Variants in PAH observed in about 807,000 individuals in gnomAD.
The protein encoded by PAH is phenylalanine-4-hydroxylase.
PAH carries 64 observed loss-of-function variants against 62.0 expected under a neutral mutation model. The ratio of observed to expected loss-of-function variants is 1.03; its 90% CI spans 0.84 to 1.27. PAH has a LOEUF of 1.27. Among genes scored for constraint, PAH ranks in the 50% most tolerant of loss-of-function variants. The pLI is 0.00. For synonymous variants in PAH, 195 were observed against 196.2 expected (o/e 0.99, Z 0.05); for missense variants, 579 against 542.8 (o/e 1.07, Z -0.66).
At chr12:102,866,732 T>C (rs1875991106) in intron 4 of PAH, 69 bp from the exon 5 acceptor site, 3 of 1,227,004 alleles carry the variant, frequency 2.4e-6, no homozygotes, top group Admixed American at 3.4e-5. Context: ...TATGAATGCT[T>C]TGAATGGGGG....
intron 1 of PAH, among the ~76,000 whole-genome samples, chr12:102,935,276 G>A (rs548688959): frequency 3.9e-4 from 60 of 152,048 alleles, no homozygotes; most frequent in African/African-American, 1.2e-3. Flanking sequence ...TCTTTTAAAC[G>A]TGATATTGAA....
chr12:102,875,170 T>C (rs1339064503), intron 4 of PAH, among the ~76,000 whole-genome samples: 1 of 152,222 alleles, frequency 6.6e-6, no homozygotes, highest in African/African-American at 2.4e-5. Flanking sequence ...GGGAACTGTG[T>C]ACCTGATATG....
chr12:102,852,396 G>A lies in PAH; in HGVS notation c.842+419C>T, dbSNP rs190710381. On this transcript the variant is annotated intron_variant, in intron 7 of 12. Coordinates refer to ENST00000553106, the MANE Select transcript of PAH (RefSeq NM_000277.3). ...AGGGGATAACGAAACACCCAAGTAA[G>A]AAGCATAATGGCTGCAATTCTCTAC... is the stretch of plus-strand genomic sequence containing the variant. The A allele has an allele frequency of 1.0e-3, 241 of 238,082 alleles. 1 individual carries two copies. The highest frequency in any genetic ancestry group is 6.4e-3 in the Middle Eastern group (4 of 622). 14.7% of individuals were successfully genotyped at this position (238,082 alleles called of 1,614,324 possible). A position where few individuals can be genotyped will look rare whatever the true frequency, so the allele number is the denominator to read the frequency against.
At chr12:102,938,107 A>G (rs1335511038) in intron 1 of PAH, among the ~76,000 whole-genome samples, 1 of 152,214 alleles carries the variant, frequency 6.6e-6, no homozygotes, top group African/African-American at 2.4e-5. Context: ...GCCATGTTGG[A>G]ATTCAGCAAG....
intron 1 of PAH, among the ~76,000 whole-genome samples, chr12:102,956,659 T>A (rs1038113450): frequency 6.6e-6 from 1 of 152,048 alleles, no homozygotes; most frequent in Non-Finnish European, 1.5e-5. Flanking sequence ...TCTGGGAGTA[T>A]CCCAGAGCAC....
chr12:102,920,074 A>G (rs555244972), upstream of PAH, among the ~76,000 whole-genome samples: 1 of 152,212 alleles, frequency 6.6e-6, no homozygotes, highest in Non-Finnish European at 1.5e-5. Context: ...CCTATCTCAC[A>G]TAAAAATGCC....
At chr12:102,855,687 A>G (rs1875394006) in intron 5 of PAH, among the ~76,000 whole-genome samples, 1 of 152,124 alleles carries the variant, frequency 6.6e-6, no homozygotes, top group Non-Finnish European at 1.5e-5. Flanking sequence ...CAAAGCTGTA[A>G]AGTTGCAGAG....
chr12:102,840,586 T>A, intron 11 of PAH, 71 bp from the exon 12 acceptor site: 1 of 1,074,764 alleles, frequency 9.3e-7, no homozygotes, highest in Non-Finnish European at 1.5e-6. Flanking sequence ...GAGTTCTCAG[T>A]GGCATTTTAC....
At chr12:102,896,752 T>C (rs975316868) in intron 2 of PAH, among the ~76,000 whole-genome samples, 7 of 152,194 alleles carry the variant, frequency 4.6e-5, no homozygotes, top group African/African-American at 1.4e-4. Context: ...CTGTTGTCTA[T>C]GTGGCTAAAT....
upstream of PAH, among the ~76,000 whole-genome samples, chr12:102,951,889 CT>C (rs1019071670): frequency 1.3e-4 from 20 of 151,380 alleles, no homozygotes; most frequent in Admixed American, 7.3e-4. Context: ...CCATTCATTG[CT>C]TTTTTTGTGT....
chr12:102,943,414 A>T (rs1446208361), intron 1 of PAH, among the ~76,000 whole-genome samples: 2 of 152,164 alleles, frequency 1.3e-5, no homozygotes, highest in Non-Finnish European at 2.9e-5. Context: ...AAAAATAAAA[A>T]TGTAGCAGAT....
At chr12:102,840,663 G>C in intron 11 of PAH, 148 bp from the exon 12 acceptor site, 2 of 692,694 alleles carry the variant, frequency 2.9e-6, no homozygotes, top group South Asian at 3.1e-5. Context: ...GAGGCGGGGG[G>C]AATGGAGTTT....
intron 3 of PAH, among the ~76,000 whole-genome samples, chr12:102,882,603 C>G (rs1876857781): frequency 6.8e-6 from 1 of 147,726 alleles, no homozygotes; most frequent in Non-Finnish European, 1.5e-5. Context: ...CGTATACACA[C>G]ATACTATATA....
At chr12:102,917,351 T>G, upstream of PAH, 2 of 572,552 alleles carry the variant, frequency 3.5e-6, no homozygotes, top group Non-Finnish European at 3.2e-6. Flanking sequence ...CCAGGTCACC[T>G]GCCCAGGACG....
At chr12:102,940,985 C>T (rs192368155) in intron 1 of PAH, among the ~76,000 whole-genome samples, 8 of 152,258 alleles carry the variant, frequency 5.3e-5, no homozygotes, top group East Asian at 1.9e-4. Flanking sequence ...TCAGCAGAAG[C>T]CCTACAAACC....
intron 4 of PAH, among the ~76,000 whole-genome samples, chr12:102,873,187 C>T (rs1386294169): frequency 6.6e-6 from 1 of 152,186 alleles, no homozygotes; most frequent in African/African-American, 2.4e-5. Flanking sequence ...TGTCCTCTCT[C>T]CTTTGTTCAG....
At chr12:102,868,654 T>G (rs970872259) in intron 4 of PAH, among the ~76,000 whole-genome samples, 2 of 109,256 alleles carry the variant, frequency 1.8e-5, no homozygotes, top group Non-Finnish European at 3.7e-5. Context: ...TGGTTTGAGA[T>G]GATGTGGTTA....
intron 1 of PAH, among the ~76,000 whole-genome samples, chr12:102,942,628 A>G (rs916512015): frequency 1.3e-5 from 2 of 152,174 alleles, no homozygotes; most frequent in Non-Finnish European, 1.5e-5. Flanking sequence ...AGCAAAAAGA[A>G]CAAAGTCAGA....
chr12:102,838,482 A>G lies in PAH; in HGVS notation c.*693T>C, dbSNP rs1024404440. The G allele has an allele frequency of 3.3e-5, 5 of 152,212 alleles. No individual in the cohort carries two copies. The highest frequency in any genetic ancestry group is 4.8e-5 in the African/African-American group (2 of 41,456). The allele number at this position is 152,212 out of a possible 1,614,324, so 9.4% of individuals were successfully genotyped here. On this transcript the variant is annotated 3_prime_UTR_variant, in exon 13 of 13. Transcript: ENST00000553106. ...CATCTGCTGCATCATAAATGTCCTC[A>G]AAGTGTTTCCCAAAACAGACTTGAT...
Sources: gnomAD v4.1 joint callset for allele counts (sites outside exome capture counted in the v4.1 genomes callset) on GRCh38, gnomAD v4.1.1 for gene constraint, MANE v1.5 for transcripts, NCBI Gene and HGNC (gene_info 2026-07-23, HGNC 2026-07-21) for gene names.